DCLK1: variants seen among roughly 807,000 people sequenced by gnomAD.
DCLK1 encodes doublecortin like kinase 1, also known as serine/threonine-protein kinase DCLK1.
A neutral mutation model predicts 86.2 loss-of-function variants in DCLK1; 16 were observed. The observed-to-expected ratio is 0.19, with a 90% confidence interval of 0.13 to 0.28. DCLK1 has a LOEUF of 0.28. Among genes scored for constraint, DCLK1 ranks in the 10% least tolerant of loss-of-function variants. The probability of loss-of-function intolerance (pLI) is 1.00; values close to 1 mark genes in which losing one functional copy is unlikely to be tolerated. For synonymous variants in DCLK1, 369 were observed against 370.5 expected (o/e 1.00, Z 0.05); for missense variants, 590 against 940.2 (o/e 0.63, Z 4.87).
intron 16 of DCLK1, among the ~76,000 whole-genome samples, chr13:35,780,385 G>C (rs2153097648): frequency 6.6e-6 from 1 of 152,264 alleles, no homozygotes; most frequent in Admixed American, 6.5e-5. Context: ...TCCTTAGTAA[G>C]TTACCACTTC....
At position 35,993,027 on chromosome 13, in the gene DCLK1, C is replaced by T. The variant is rs538854441; in HGVS notation, c.724-45570G>A. 2.0e-5 allele frequency among the ~76,000 whole-genome samples: 3 copies of T among 152,172 alleles called. No individual in the cohort carries two copies. The South Asian group carries it at 6.2e-4, about 32-fold the overall frequency. ...TTCAGGCATTCAAGATTTTCACATC[C>T]TGGTCCTTTTGCTGTTTCTGCAGCC... is the stretch of plus-strand genomic sequence containing the variant. On this transcript the variant is annotated intron_variant, in intron 3 of 16. Transcript: ENST00000360631.
intron 3 of DCLK1, among the ~76,000 whole-genome samples, chr13:36,094,959 A>G (rs1884954456): frequency 6.6e-6 from 1 of 152,204 alleles, no homozygotes; most frequent in Admixed American, 6.5e-5. Context: ...CCACATGTCT[A>G]TGTCTTCCCT....
At chr13:35,798,562 C>T (rs917701939) in intron 15 of DCLK1, among the ~76,000 whole-genome samples, 1 of 152,160 alleles carries the variant, frequency 6.6e-6, no homozygotes, top group Non-Finnish European at 1.5e-5. Flanking sequence ...TGCACGGCAC[C>T]CCCAGTCCCC....
intron 1 of DCLK1, among the ~76,000 whole-genome samples, chr13:36,127,844 C>T (rs1886243240): frequency 6.6e-6 from 1 of 152,130 alleles, no homozygotes; most frequent in Non-Finnish European, 1.5e-5. Flanking sequence ...TTTGTGGAGC[C>T]TTGCAGGGGA....
chr13:35,777,289 A>G (rs2086439642), intron 16 of DCLK1, among the ~76,000 whole-genome samples: 1 of 152,176 alleles, frequency 6.6e-6, no homozygotes, highest in Admixed American at 6.5e-5. Flanking sequence ...AAGTTGAATG[A>G]GGGTTTATAA....
At chr13:36,045,318 A>ACG (rs1882844779) in intron 3 of DCLK1, among the ~76,000 whole-genome samples, 2 of 80,078 alleles carry the variant, frequency 2.5e-5, no homozygotes, top group Non-Finnish European at 4.5e-5. Context: ...ATGTCTATAT[A>ACG]TGTGTGTGTG....
intron 10 of DCLK1, among the ~76,000 whole-genome samples, chr13:35,826,550 A>AG (rs1351890514): frequency 3.5e-5 from 1 of 28,692 alleles, no homozygotes; most frequent in Non-Finnish European, 1.2e-4. Context: ...AAAGAAAGAA[A>AG]GAAAGAAAGA....
chr13:35,807,197 A>G (rs2087044469), intron 14 of DCLK1, among the ~76,000 whole-genome samples: 1 of 152,184 alleles, frequency 6.6e-6, no homozygotes, highest in African/African-American at 2.4e-5. Context: ...CCTTCTTAGA[A>G]GTTGATTTAT....
chr13:36,034,918 G>A (rs532479529), intron 3 of DCLK1, among the ~76,000 whole-genome samples: 1 of 152,208 alleles, frequency 6.6e-6, no homozygotes, highest in Non-Finnish European at 1.5e-5. Context: ...GAATGAGCCA[G>A]TTATAAAAGC....
intron 5 of DCLK1, among the ~76,000 whole-genome samples, chr13:35,858,111 G>C (rs1443907866): frequency 6.6e-6 from 1 of 152,130 alleles, no homozygotes; most frequent in Non-Finnish European, 1.5e-5. Context: ...GAATGGATTA[G>C]AGGGAAACAA....
intron 4 of DCLK1, among the ~76,000 whole-genome samples, chr13:35,934,247 T>C (rs1876628545): frequency 6.6e-6 from 1 of 152,216 alleles, no homozygotes; most frequent in Non-Finnish European, 1.5e-5. Flanking sequence ...TCCAAACTGT[T>C]CCAACCTCTG....
chr13:36,064,550 T>C (rs1027131040), intron 3 of DCLK1, among the ~76,000 whole-genome samples: 1 of 151,776 alleles, frequency 6.6e-6, no homozygotes, highest in Non-Finnish European at 1.5e-5. Context: ...TCCCAGCTAC[T>C]TGGAAGGCTG....
intron 4 of DCLK1, among the ~76,000 whole-genome samples, chr13:35,888,182 T>A (rs1335476639): frequency 6.6e-6 from 1 of 152,150 alleles, no homozygotes; most frequent in Non-Finnish European, 1.5e-5. Flanking sequence ...TCTAATTACT[T>A]GACTTTCCTT....
At chr13:36,128,444 G>C (rs1886262136) in intron 1 of DCLK1, among the ~76,000 whole-genome samples, 1 of 152,132 alleles carries the variant, frequency 6.6e-6, no homozygotes, top group South Asian at 2.1e-4. Context: ...TCTTCAGCAT[G>C]AGAAGCAGGA....
intron 3 of DCLK1, among the ~76,000 whole-genome samples, chr13:36,095,715 T>C (rs1884993124): frequency 6.6e-6 from 1 of 152,044 alleles, no homozygotes; most frequent in East Asian, 1.9e-4. Context: ...AATTAAATGC[T>C]ACCTCATCTG....
chr13:35,846,670 A>G (rs946887539), intron 6 of DCLK1: 1 of 985,180 alleles, frequency 1.0e-6, no homozygotes, highest in African/African-American at 1.7e-5. Context: ...GTGTATCTCT[A>G]TTTTTCACAC....
chr13:36,100,899 A>G (rs1015312432), intron 3 of DCLK1, among the ~76,000 whole-genome samples: 1 of 152,218 alleles, frequency 6.6e-6, no homozygotes, highest in African/African-American at 2.4e-5. Flanking sequence ...GTTGGCCACT[A>G]AATCCTTGGG....
intron 3 of DCLK1, among the ~76,000 whole-genome samples, chr13:35,964,423 T>C (rs984754366): frequency 3.9e-5 from 6 of 152,250 alleles, no homozygotes; most frequent in African/African-American, 1.4e-4. Flanking sequence ...TAAGATTTCA[T>C]AGGCAGTGCT....
intron 6 of DCLK1, chr13:35,849,266 G>A: frequency 1.0e-6 from 1 of 985,018 alleles, no homozygotes; most frequent in Non-Finnish European, 1.2e-6. Context: ...ATTTATCAGG[G>A]AGATAAATCA....
Sources: gnomAD v4.1 joint callset for allele counts (sites outside exome capture counted in the v4.1 genomes callset) on GRCh38, gnomAD v4.1.1 for gene constraint, MANE v1.5 for transcripts, NCBI Gene and HGNC (gene_info 2026-07-23, HGNC 2026-07-21) for gene names.